ROBO1: variants seen among roughly 807,000 people sequenced by gnomAD.
The protein encoded by ROBO1 is roundabout homolog 1.
ROBO1 carries 149 observed loss-of-function variants against 195.9 expected under a neutral mutation model. The observed-to-expected ratio is 0.76, with a 90% CI of 0.67 to 0.87. ROBO1 has a LOEUF of 0.87. Ranked by LOEUF, ROBO1 falls within the 40% of genes least tolerant of loss-of-function variation. The pLI is 0.00. For missense variants in ROBO1, 1,933 were observed against 2,068.3 expected (o/e 0.93, Z 1.27); for synonymous variants, 816 against 733.2 (o/e 1.11, Z -1.82).
chr3:79,620,858 A>G (rs1490663462), intron 1 of ROBO1, among the ~76,000 whole-genome samples: 1 of 152,064 alleles, frequency 6.6e-6, no homozygotes, highest in Non-Finnish European at 1.5e-5. Flanking sequence ...CTGTTACAAC[A>G]TGGCCTCTTA....
intron 1 of ROBO1, among the ~76,000 whole-genome samples, chr3:79,727,250 T>C (rs554593063): frequency 3.9e-5 from 6 of 152,120 alleles, no homozygotes; most frequent in East Asian, 3.9e-4. Flanking sequence ...GGATTGCTGC[T>C]ACATTAATTG....
intron 1 of ROBO1, among the ~76,000 whole-genome samples, chr3:79,707,333 C>T (rs1319372518): frequency 1.3e-5 from 2 of 152,188 alleles, no homozygotes; most frequent in South Asian, 2.1e-4. Context: ...CCACAGGACC[C>T]AGAGTTATGT....
chr3:78,901,923 A>G (rs556027116), intron 4 of ROBO1, among the ~76,000 whole-genome samples: 1 of 152,292 alleles, frequency 6.6e-6, no homozygotes, highest in Non-Finnish European at 1.5e-5. Flanking sequence ...TAAGTATCCT[A>G]TAAAGTTCTT....
At chr3:79,413,834 A>G (rs1037879497) in intron 2 of ROBO1, among the ~76,000 whole-genome samples, 12 of 152,096 alleles carry the variant, frequency 7.9e-5, no homozygotes, top group Admixed American at 4.6e-4. Context: ...GATAAATTCA[A>G]TGAAAATCCA....
At chr3:78,657,841 CTAAAG>C (rs1214049162) in intron 17 of ROBO1, among the ~76,000 whole-genome samples, 11 of 152,252 alleles carry the variant, frequency 7.2e-5, no homozygotes, top group South Asian at 4.1e-4. Context: ...TCTGAATACT[CTAAAG>C]TAGTTTGCAC....
chr3:78,713,802 T>A (rs1031174901), intron 8 of ROBO1, among the ~76,000 whole-genome samples: 1 of 152,190 alleles, frequency 6.6e-6, no homozygotes, highest in Non-Finnish European at 1.5e-5. Flanking sequence ...AAATAATAAA[T>A]CTGTATCAAA....
At chr3:79,311,878 T>C (rs901631673) in intron 2 of ROBO1, among the ~76,000 whole-genome samples, 2 of 152,180 alleles carry the variant, frequency 1.3e-5, no homozygotes, top group East Asian at 3.9e-4. Context: ...ATACTCTCTC[T>C]TAATCCTGTG....
intron 2 of ROBO1, among the ~76,000 whole-genome samples, chr3:79,360,547 A>G (rs2109302299): frequency 6.6e-6 from 1 of 152,204 alleles, no homozygotes. Context: ...CATATTAATA[A>G]CAATGACATT....
chr3:79,018,386 A>G (rs919218950), intron 3 of ROBO1: 3 of 1,613,758 alleles, frequency 1.9e-6, no homozygotes, highest in East Asian at 2.2e-5. Context: ...TCAAGGGTGA[A>G]GAAAGAAGAC....
chr3:79,053,621 A>T (rs1359965096), intron 3 of ROBO1, among the ~76,000 whole-genome samples: 1 of 151,424 alleles, frequency 6.6e-6, no homozygotes, highest in African/African-American at 2.4e-5. Context: ...ACCCTTCTTC[A>T]CACATGGACG....
intron 2 of ROBO1, among the ~76,000 whole-genome samples, chr3:79,315,541 G>T (rs1576964029): frequency 6.6e-6 from 1 of 152,248 alleles, no homozygotes; most frequent in East Asian, 1.9e-4. Flanking sequence ...AAATAACGGA[G>T]AGCAATAAAA....
chr3:79,214,620 A>C (rs1298393127), intron 2 of ROBO1, among the ~76,000 whole-genome samples: 1 of 151,980 alleles, frequency 6.6e-6, no homozygotes, highest in Admixed American at 6.6e-5. Flanking sequence ...AAAACAAAAA[A>C]CAAAAACACT....
chr3:79,584,253 A>AATATAT (rs10526101), intron 2 of ROBO1, among the ~76,000 whole-genome samples: 59 of 144,620 alleles, frequency 4.1e-4, no homozygotes, highest in East Asian at 2.7e-3. Flanking sequence ...AGGTACATGT[A>AATATAT]ATATATATAT....
intron 4 of ROBO1, among the ~76,000 whole-genome samples, chr3:78,763,725 A>G (rs2083160715): frequency 6.6e-6 from 1 of 152,120 alleles, no homozygotes; most frequent in African/African-American, 2.4e-5. Flanking sequence ...GGTTCTGCCA[A>G]TCTTGAAACC....
At chr3:79,647,487 T>G (rs1235086977) in intron 1 of ROBO1, among the ~76,000 whole-genome samples, 2 of 152,064 alleles carry the variant, frequency 1.3e-5, no homozygotes, top group South Asian at 4.1e-4. Context: ...CTTAATAATC[T>G]GGGGTAATGT....
At chr3:79,354,910 G>C (rs965141844) in intron 2 of ROBO1, among the ~76,000 whole-genome samples, 27 of 152,200 alleles carry the variant, frequency 1.8e-4, no homozygotes, top group Admixed American at 1.7e-3. Context: ...GCTCACGCCT[G>C]TAATCCCAAC....
chr3:79,312,513 C>T (rs115531745), intron 2 of ROBO1, among the ~76,000 whole-genome samples: 2,859 of 152,098 alleles, frequency 0.019, 86 homozygotes, highest in African/African-American at 0.064. Context: ...ATGAATGAAG[C>T]GATGTTATAG....
intron 2 of ROBO1, among the ~76,000 whole-genome samples, chr3:79,326,046 C>A (rs1423530787): frequency 2.0e-5 from 3 of 152,048 alleles, no homozygotes; most frequent in Admixed American, 1.3e-4. Context: ...GTGAAATAGA[C>A]CCCAGTCTCC....
At chr3:79,648,262 A>T (rs1471715820) in intron 1 of ROBO1, among the ~76,000 whole-genome samples, 1 of 152,076 alleles carries the variant, frequency 6.6e-6, no homozygotes, top group Non-Finnish European at 1.5e-5. Context: ...GCCATTAGGT[A>T]TGTCTGCATT....
Sources: allele counts gnomAD v4.1 joint callset (sites outside exome capture counted in the v4.1 genomes callset), GRCh38; gene constraint gnomAD v4.1.1; transcripts MANE v1.5; gene names NCBI Gene and HGNC (gene_info 2026-07-23, HGNC 2026-07-21).